The following KRT33B variants were observed in gnomAD, a reference collection of about 807,000 sequenced individuals.
The protein encoded by KRT33B is keratin, type I cuticular Ha3-II.
Under a neutral mutation model 42.7 loss-of-function variants are expected in KRT33B, and 37 were observed. That is an observed-to-expected ratio of 0.87 (90% CI 0.67 to 1.14). The LOEUF is 1.14. Ranked by LOEUF, KRT33B falls within the 50% of genes most tolerant of loss-of-function variation. KRT33B has a pLI of 0.00. For missense variants in KRT33B, 523 were observed against 515.1 expected (o/e 1.02, Z -0.15); for synonymous variants, 237 against 221.2 (o/e 1.07, Z -0.63).
chr17:41,366,639 C>T lies in KRT33B; in HGVS notation c.432-13G>A. The T allele has an allele frequency of 6.3e-7, 1 of 1,584,928 alleles. No individual in the cohort carries two copies. The highest frequency in any genetic ancestry group is 1.2e-5 in the South Asian group (1 of 86,244). Reference sequence around the variant, plus strand: ...CTCCGTCTGGTACCTGCACACACAGCCAGAGGTCAAAAGAGGTCCAAAAAA... The same window carrying T: ...CTCCGTCTGGTACCTGCACACACAGTCAGAGGTCAAAAGAGGTCCAAAAAA... On this transcript the variant is annotated splice_polypyrimidine_tract_variant and intron_variant, in intron 2 of 6. Transcript: ENST00000251646.
chr17:41,367,825 C>T (rs1441649416), intron 2 of KRT33B, 83 bp downstream of exon 2: 5 of 1,254,886 alleles, frequency 4.0e-6, no homozygotes, highest in Non-Finnish European at 1.2e-6. Flanking sequence ...ATTTCTGCTT[C>T]CACATTCCAG....
chr17:41,366,504 T>C lies in KRT33B; in HGVS notation c.554A>G (p.Glu185Gly), dbSNP rs758936536. The change falls in exon 3 of 7, where the codon GAG becomes GGG. Residue 185 changes from glutamate to glycine, a missense_variant. Glu to Gly is a moderately conservative substitution (Grantham distance 98). Coordinates refer to ENST00000251646, the MANE Select transcript of KRT33B (RefSeq NM_002279.5). ...DLEAQMESLKEELLSLKQNHE... is the reference protein window; with the variant it reads ...DLEAQMESLKGELLSLKQNHE... The stretch of plus-strand genomic sequence containing the variant: ...GTTCTGCTTGAGGGACAGCAGCTCC[T>C]CCTTCAGGGACTCCATCTGGGCCTC... The C allele has an allele frequency of 3.2e-5, 51 of 1,612,576 alleles. No individual in the cohort carries two copies. The highest frequency in any genetic ancestry group is 3.8e-5 in the Non-Finnish European group (45 of 1,180,022).
intron 5 of KRT33B, 77 bp from the exon 6 acceptor site, chr17:41,365,076 A>G: frequency 6.2e-7 from 1 of 1,608,334 alleles, no homozygotes; most frequent in Non-Finnish European, 8.5e-7. Context: ...AAAACTCACA[A>G]GCTCCAAGAG....
In KRT33B at chr17:41,365,392, C is replaced by T; in HGVS notation, c.750G>A (p.Gln250=). 1.2e-6 allele frequency: 2 copies of T among 1,610,684 alleles called. No individual in the cohort carries two copies. The highest frequency in any genetic ancestry group is 2.7e-5 in the African/African-American group (2 of 73,680). The change falls in exon 4 of 7, where the codon CAG becomes CAA. Residue 250 remains glutamine (Q), a splice_region_variant and synonymous_variant. Transcript: ENST00000251646. ...RREVEQWFAT[Q]TEELNKQVVS... is the part of the protein sequence containing the mutation. ...AGTGGCCACGTGCTTAGATGCCCAC[C>T]TGCGTGGCGAACCATTGCTCCACTT... is the stretch of plus-strand genomic sequence containing the variant.
Position 41,364,765 on chromosome 17 carries a change from C to T in KRT33B, c.1097+14G>A, listed in dbSNP as rs200308620. The T allele has an allele frequency of 3.0e-4, 487 of 1,612,294 alleles. 17 individuals are homozygous for T. The African/African-American group carries it at 4.2e-3, about 14-fold the overall frequency. On this transcript the variant is annotated intron_variant, in intron 6 of 6. Coordinates refer to ENST00000251646, the MANE Select transcript of KRT33B (RefSeq NM_002279.5). ...GCCTGTCCCTTGCAGGGGTGCCGTC[C>T]GCCAGGTACTCACTTGCAGTCCTCG... is the stretch of plus-strand genomic sequence containing the variant.
intron 1 of KRT33B, among the ~76,000 whole-genome samples, chr17:41,368,720 C>T (rs2017735214): frequency 6.6e-6 from 1 of 151,378 alleles, no homozygotes; most frequent in South Asian, 2.1e-4. Context: ...AGTCAATTCC[C>T]TCCCAGAATC....
chr17:41,368,924 G>T (rs2017738125), intron 1 of KRT33B, among the ~76,000 whole-genome samples: 1 of 151,372 alleles, frequency 6.6e-6, no homozygotes, highest in African/African-American at 2.5e-5. Context: ...TGCTCTAGAG[G>T]ATGGTCCATG....
chr17:41,366,484 G>C lies in KRT33B; in HGVS notation c.574C>G (p.Gln192Glu). 6.2e-7 allele frequency: 1 copy of C among 1,612,560 alleles called. No individual in the cohort carries two copies. Among genetic ancestry groups the C allele is most frequent in the Non-Finnish European group, 8.5e-7 (1 of 1,180,014 alleles). ...GGGACTCTTACCTGCTCATGGTTCT[G>C]CTTGAGGGACAGCAGCTCCTCCTTC... ...SLKEELLSLK[Q>E]NHEQEVNTLR... Residue 192 changes from glutamine (Q) to glutamate (E), a missense_variant, in exon 3 of 7, where the codon CAG (glutamine) becomes GAG (glutamate). Coordinates refer to ENST00000251646, the MANE Select transcript of KRT33B (RefSeq NM_002279.5).
At chr17:41,367,851 A>G in intron 2 of KRT33B, 57 bp downstream of exon 2, 1 of 1,473,852 alleles carries the variant, frequency 6.8e-7, no homozygotes, top group Non-Finnish European at 9.5e-7. Flanking sequence ...GGAGCTCATC[A>G]CTTTGTAATT....
In KRT33B at chr17:41,369,713, C is replaced by T. The variant is rs763902635; in HGVS notation, c.38G>A (p.Arg13His). The change falls in exon 1 of 7, where the codon CGC becomes CAC. Residue 13 changes from arginine (R) to histidine (H), a missense_variant. Coordinates refer to ENST00000251646, the MANE Select transcript of KRT33B (RefSeq NM_002279.5). ...ACAGGGCCGGGAGGAGCAGCTGGTG[C>T]GGCAGCTCAGGCTGGGCAGGCAGAA... ...YNFCLPSLSC[R>H]TSCSSRPCVP... 1.1e-5 allele frequency: 18 copies of T among 1,613,718 alleles called. No homozygotes were observed. In the East Asian group the frequency reaches 3.1e-4, roughly 28 times the overall value.
intron 2 of KRT33B, among the ~76,000 whole-genome samples, chr17:41,366,873 C>T (rs999087839): frequency 6.6e-6 from 1 of 151,288 alleles, no homozygotes; most frequent in Non-Finnish European, 1.5e-5. Context: ...CTAAGACTCT[C>T]GTTTACAAGT....
rs1483405062 is a variant in KRT33B, at chr17:41,367,181, GA to G, written c.432-556del. ...TATGTTGTAAAATGTAAGATCCCAGGAAAATGCAAAGGATTCTCATGATTGT... is the reference window on the plus strand; with the variant it reads ...TATGTTGTAAAATGTAAGATCCCAGGAAATGCAAAGGATTCTCATGATTGT... On this transcript the variant is annotated intron_variant, in intron 2 of 6. Transcript: ENST00000251646. 4.0e-5 allele frequency among the ~76,000 whole-genome samples: 6 copies of G among 151,446 alleles called. No homozygotes were observed. The East Asian group carries it at 1.2e-3, about 29-fold the overall frequency.
At chr17:41,364,676 A>G in intron 6 of KRT33B, 103 bp downstream of exon 6, 1 of 1,463,132 alleles carries the variant, frequency 6.8e-7, no homozygotes, top group Non-Finnish European at 9.4e-7. Context: ...TCTCGCCTCT[A>G]CAGACAGATT....
At chr17:41,367,868 G>C (rs1165250859) in intron 2 of KRT33B, 40 bp downstream of exon 2, 2 of 1,567,506 alleles carry the variant, frequency 1.3e-6, no homozygotes, top group Non-Finnish European at 1.8e-6. Flanking sequence ...AATTCAGCCT[G>C]TCCGTTACTA....
chr17:41,366,705 T>C, intron 2 of KRT33B, 79 bp from the exon 3 acceptor site: 5 of 1,350,512 alleles, frequency 3.7e-6, no homozygotes, highest in Admixed American at 2.4e-5. Flanking sequence ...GCTGACTTAG[T>C]CAATTTTATT....
chr17:41,369,560 T>G lies in KRT33B; in HGVS notation c.191A>C (p.Asn64Thr). Residue 64 changes from asparagine to threonine, a missense_variant, in exon 1 of 7, where the codon AAC becomes ACC. Transcript: ENST00000251646. Reference sequence around the variant, plus strand: ...CTCCAGGTAGCTGGCCAGGCGGTCGTTCAGGAACTGCATAGTCTCCTTCTC... The same window carrying G: ...CTCCAGGTAGCTGGCCAGGCGGTCGGTCAGGAACTGCATAGTCTCCTTCTC... ...GSEKETMQFL[N>T]DRLASYLEKV... The G allele has an allele frequency of 1.9e-6, 3 of 1,613,940 alleles. No homozygotes were observed. The highest frequency in any genetic ancestry group is 2.5e-6 in the Non-Finnish European group (3 of 1,180,044).
intron 1 of KRT33B, among the ~76,000 whole-genome samples, 197 bp downstream of exon 1, chr17:41,369,206 A>G (rs2017743105): frequency 2.6e-5 from 4 of 151,326 alleles, no homozygotes; most frequent in Admixed American, 2.6e-4. Flanking sequence ...GCTTCACTCT[A>G]ACACCAGCCT....
intron 1 of KRT33B, among the ~76,000 whole-genome samples, chr17:41,369,065 G>A (rs2017740157): frequency 2.0e-5 from 3 of 151,372 alleles, no homozygotes; most frequent in Admixed American, 1.3e-4. Context: ...AATAATTCAG[G>A]TGCATACTTT....
chr17:41,368,090 T>C, intron 1 of KRT33B, 100 bp from the exon 2 acceptor site: 1 of 1,104,496 alleles, frequency 9.1e-7, no homozygotes, highest in Non-Finnish European at 1.4e-6. Flanking sequence ...CCCAAATAGC[T>C]TTGAGTCCTT....
Sources: gnomAD v4.1 joint callset for allele counts (sites outside exome capture counted in the v4.1 genomes callset) on GRCh38, gnomAD v4.1.1 for gene constraint, MANE v1.5 for transcripts, NCBI Gene and HGNC (gene_info 2026-07-23, HGNC 2026-07-21) for gene names.